CNTLN: variants seen among roughly 807,000 people sequenced by gnomAD.
The protein encoded by CNTLN is centlein, also known as centlein, centrosomal protein.
CNTLN carries 212 observed loss-of-function variants against 180.0 expected under a neutral mutation model. The ratio of observed to expected loss-of-function variants is 1.18; its 90% CI spans 1.05 to 1.32. The LOEUF (loss-of-function observed/expected upper bound fraction) is 1.32, where lower values mean the gene tolerates loss of function less well. CNTLN is among the 40% of genes most tolerant of loss of function. CNTLN has a pLI of 0.00. For synonymous variants in CNTLN, 722 were observed against 563.1 expected, an observed-to-expected ratio of 1.28 and a Z score of -3.99; for missense variants, 2,095 against 1,610.9, an observed-to-expected ratio of 1.30 and a Z score of -5.14.
At chr9:17,149,323 G>A (rs1056220698) in intron 2 of CNTLN, among the ~76,000 whole-genome samples, 3 of 151,872 alleles carry the variant, frequency 2.0e-5, no homozygotes, top group Admixed American at 6.6e-5. Flanking sequence ...AATCCTTTGG[G>A]TACATGCCTA....
intron 2 of CNTLN, among the ~76,000 whole-genome samples, chr9:17,209,017 G>A (rs1410810000): frequency 1.3e-5 from 2 of 151,802 alleles, no homozygotes; most frequent in African/African-American, 4.8e-5. Flanking sequence ...AGTTCTTTAA[G>A]ATCAATGGTT....
At chr9:17,385,100 G>A (rs1450879002) in intron 13 of CNTLN, among the ~76,000 whole-genome samples, 3 of 152,144 alleles carry the variant, frequency 2.0e-5, no homozygotes, top group African/African-American at 4.8e-5. Flanking sequence ...ACTATTGCTT[G>A]TTTATTATAA....
At chr9:17,515,354 A>G in the CNTLN span, among the ~76,000 whole-genome samples, 2 of 152,096 alleles carry the variant, frequency 1.3e-5, no homozygotes, top group Non-Finnish European at 2.9e-5. Context: ...ATTTTTTTTA[A>G]TAAATATTCA....
intron 5 of CNTLN, among the ~76,000 whole-genome samples, chr9:17,265,216 T>C (rs1187161929): frequency 2.6e-5 from 4 of 151,352 alleles, no homozygotes; most frequent in South Asian, 2.1e-4. Context: ...ATACGTCCCA[T>C]CAATACCTAA....
intron 13 of CNTLN, among the ~76,000 whole-genome samples, chr9:17,378,694 G>A (rs1009879687): frequency 6.6e-6 from 1 of 152,064 alleles, no homozygotes; most frequent in South Asian, 2.1e-4. Flanking sequence ...TTCAAAATCG[G>A]TATTTTGTTA....
intron 2 of CNTLN, chr9:17,166,789 G>A (rs1820098774): frequency 2.9e-6 from 1 of 339,394 alleles, no homozygotes. Flanking sequence ...GTAACACATG[G>A]TCTCACATCT....
At chr9:17,527,075 G>A in the CNTLN span, among the ~76,000 whole-genome samples, 1 of 152,106 alleles carries the variant, frequency 6.6e-6, no homozygotes, top group East Asian at 1.9e-4. Flanking sequence ...TAGAGATGGG[G>A]TTTCACCATG....
intron 2 of CNTLN, among the ~76,000 whole-genome samples, chr9:17,174,201 C>A (rs1168130015): frequency 6.6e-6 from 1 of 152,128 alleles, no homozygotes; most frequent in African/African-American, 2.4e-5. Context: ...AAGAGTGTCC[C>A]ATAGTATGGA....
chr9:17,314,129 A>T (rs1236604545), intron 8 of CNTLN, among the ~76,000 whole-genome samples: 1 of 152,230 alleles, frequency 6.6e-6, no homozygotes, highest in Non-Finnish European at 1.5e-5. Context: ...AATTTCTGTT[A>T]TGCCCAACTT....
At position 17,362,949 on chromosome 9, in the gene CNTLN, T is replaced by C. The variant is rs192241724; in HGVS notation, c.1887-3668T>C. On this transcript the variant is annotated intron_variant, in intron 12 of 25. Coordinates refer to ENST00000380647, the MANE Select transcript of CNTLN (RefSeq NM_017738.4). ...TTTCCCTCTCTGTGTCCATGTGTTC[T>C]CATTGTCCAACTCCCACTTATGAGT... is the stretch of plus-strand genomic sequence containing the variant. Among the ~76,000 whole-genome samples the C allele has an allele frequency of 2.3e-3, 357 of 152,274 alleles. 2 individuals are homozygous for C. The highest frequency in any genetic ancestry group is 8.2e-3 in the African/African-American group (342 of 41,546).
intron 7 of CNTLN, among the ~76,000 whole-genome samples, chr9:17,303,615 C>T (rs1260616075): frequency 6.6e-6 from 1 of 151,950 alleles, no homozygotes; most frequent in Non-Finnish European, 1.5e-5. Context: ...TGTGAATGAT[C>T]ACATTGCCTT....
At chr9:17,282,249 C>T (rs189352782) in intron 6 of CNTLN, among the ~76,000 whole-genome samples, 67 of 152,160 alleles carry the variant, frequency 4.4e-4, no homozygotes, top group African/African-American at 1.3e-3. Flanking sequence ...AGTGAGACAC[C>T]GTGCCTGGCT....
intron 2 of CNTLN, among the ~76,000 whole-genome samples, chr9:17,151,776 A>C (rs1818899730): frequency 6.6e-6 from 1 of 152,124 alleles, no homozygotes; most frequent in African/African-American, 2.4e-5. Flanking sequence ...TTCGGCTGTG[A>C]ATCCATCTAG....
intron 2 of CNTLN, among the ~76,000 whole-genome samples, chr9:17,216,042 G>A (rs1476431111): frequency 6.6e-6 from 1 of 152,048 alleles, no homozygotes; most frequent in Non-Finnish European, 1.5e-5. Flanking sequence ...CACATTCGGT[G>A]GGCTGCACCC....
intron 13 of CNTLN, among the ~76,000 whole-genome samples, chr9:17,367,238 C>G (rs1564034377): frequency 6.6e-6 from 1 of 152,168 alleles, no homozygotes; most frequent in South Asian, 2.1e-4. Context: ...CGGTCTTGCC[C>G]TGTCATAGCA....
intron 3 of CNTLN, among the ~76,000 whole-genome samples, chr9:17,227,016 G>C (rs1351476669): frequency 6.6e-6 from 1 of 151,780 alleles, no homozygotes. Context: ...ATGTGCCATA[G>C]TGTGGCGATT....
intron 2 of CNTLN, among the ~76,000 whole-genome samples, chr9:17,210,686 A>C (rs2131959793): frequency 6.6e-6 from 1 of 152,262 alleles, no homozygotes; most frequent in East Asian, 1.9e-4. Flanking sequence ...ATAGTGTAAA[A>C]ATGTTCCTGT....
chr9:17,325,002 T>C (rs1386826933), intron 8 of CNTLN, among the ~76,000 whole-genome samples: 1 of 151,848 alleles, frequency 6.6e-6, no homozygotes, highest in Non-Finnish European at 1.5e-5. Context: ...TGCAAATATT[T>C]ATATTTTTAA....
chr9:17,274,019 C>T (rs1587447643), intron 6 of CNTLN, 153 bp downstream of exon 6: 3 of 621,100 alleles, frequency 4.8e-6, no homozygotes, highest in Non-Finnish European at 7.6e-6. Context: ...GTTATTTACA[C>T]TAACTTGAAA....
Sources: allele counts gnomAD v4.1 joint callset (sites outside exome capture counted in the v4.1 genomes callset), GRCh38; gene constraint gnomAD v4.1.1; transcripts MANE v1.5; gene names NCBI Gene and HGNC (gene_info 2026-07-23, HGNC 2026-07-21).